Variants in GEMIN5 observed in about 807,000 individuals in gnomAD.
GEMIN5 encodes gem nuclear organelle associated protein 5, also known as gem-associated protein 5.
GEMIN5 carries 124 observed loss-of-function variants against 176.9 expected under a neutral mutation model. The ratio of observed to expected loss-of-function variants is 0.70; its 90% confidence interval spans 0.61 to 0.81. The LOEUF (loss-of-function observed/expected upper bound fraction) is 0.81, where lower values mean the gene tolerates loss of function less well. GEMIN5 is among the 40% of genes least tolerant of loss of function. The pLI is 0.00. For missense variants in GEMIN5, 1,843 were observed against 1,814.6 expected, an observed-to-expected ratio of 1.02 and a Z score of -0.28; for synonymous variants, 673 against 665.2, an observed-to-expected ratio of 1.01 and a Z score of -0.18.
chr5:154,930,508 C>T (rs1764138286), intron 5 of GEMIN5, among the ~76,000 whole-genome samples: 1 of 152,130 alleles, frequency 6.6e-6, no homozygotes, highest in South Asian at 2.1e-4. Context: ...ATTATTCAGC[C>T]TTAGAAAGGA....
At chr5:154,888,482 TG>T in intron 27 of GEMIN5, 105 bp from the exon 28 acceptor site, 1 of 868,772 alleles carries the variant, frequency 1.2e-6, no homozygotes, top group Non-Finnish European at 1.8e-6. Flanking sequence ...AGACACTTCT[TG>T]GACACAGCTG....
intron 13 of GEMIN5, among the ~76,000 whole-genome samples, chr5:154,915,760 TTGTG>T (rs927818195): frequency 3.1e-4 from 47 of 152,218 alleles, no homozygotes; most frequent in African/African-American, 1.0e-3. Flanking sequence ...TGTCCTCTGT[TTGTG>T]TGTAACACTC....
intron 19 of GEMIN5, 97 bp downstream of exon 19, chr5:154,902,983 T>A: frequency 1.2e-6 from 1 of 836,454 alleles, no homozygotes; most frequent in Non-Finnish European, 1.9e-6. Context: ...AAACTAACCA[T>A]TATAATATCA....
At position 154,912,985 on chromosome 5, in the gene GEMIN5, C is replaced by G. The variant is rs1426031262; in HGVS notation, c.1909G>C (p.Gly637Arg). The change falls in exon 14 of 28, where the codon GGG becomes CGG. Residue 637 changes from glycine to arginine, a missense_variant. Physicochemically the swap from Gly to Arg is moderately radical, Grantham distance 125. Transcript: ENST00000285873. ...ACACTGGTAATCTTGGCCGTATGCCCTGAGAGGGTCCGGTAGGGCTCTGTA... is the reference window on the plus strand; with the variant it reads ...ACACTGGTAATCTTGGCCGTATGCCGTGAGAGGGTCCGGTAGGGCTCTGTA... ...TITEPYRTLS[G>R]HTAKITSVAW... The G allele has an allele frequency of 4.3e-6, 7 of 1,613,814 alleles. No homozygotes were observed. The highest frequency in any genetic ancestry group is 5.9e-6 in the Non-Finnish European group (7 of 1,179,822).
chr5:154,919,703 CT>C (rs905710456), intron 11 of GEMIN5, among the ~76,000 whole-genome samples: 41 of 152,180 alleles, frequency 2.7e-4, no homozygotes, highest in African/African-American at 8.9e-4. Flanking sequence ...TGAGACAGAC[CT>C]TTTTTTCAGT....
chr5:154,913,704 C>A (rs1763752891), intron 13 of GEMIN5, among the ~76,000 whole-genome samples: 1 of 152,022 alleles, frequency 6.6e-6, no homozygotes, highest in Admixed American at 6.6e-5. Flanking sequence ...ATAGTCCCAG[C>A]TACATAGGAG....
At chr5:154,921,971 ATTG>A (rs1445360623) in intron 9 of GEMIN5, among the ~76,000 whole-genome samples, 1 of 152,168 alleles carries the variant, frequency 6.6e-6, no homozygotes, top group Non-Finnish European at 1.5e-5. Context: ...ACCAGGCAGC[ATTG>A]TTATTTCTTT....
In GEMIN5 at chr5:154,904,038, CA is replaced by C. The variant is rs535546573; in HGVS notation, c.2632+468del. 1.3e-4 allele frequency among the ~76,000 whole-genome samples: 19 copies of C among 151,768 alleles called. No individual in the cohort carries two copies. The South Asian group carries it at 3.7e-3, about 30-fold the overall frequency. On this transcript the variant is annotated intron_variant, in intron 18 of 27. Coordinates refer to ENST00000285873, the MANE Select transcript of GEMIN5 (RefSeq NM_015465.5). ...GACATTAAATGAAGACTTTGAAAAA[CA>C]AAAATAAAACAACCCTTCAAAACAA...
intron 23 of GEMIN5, among the ~76,000 whole-genome samples, chr5:154,896,930 C>T (rs1325025444): frequency 6.6e-6 from 1 of 152,216 alleles, no homozygotes. Context: ...ACTCCTATAA[C>T]AATATCTTCT....
intron 26 of GEMIN5, 80 bp from the exon 27 acceptor site, chr5:154,889,497 A>G: frequency 2.7e-6 from 2 of 741,488 alleles, no homozygotes; most frequent in South Asian, 3.0e-5. Context: ...TTACTGTGGT[A>G]AAATGTATAT....
chr5:154,900,358 G>C (rs1054781723), intron 21 of GEMIN5, among the ~76,000 whole-genome samples: 10 of 152,184 alleles, frequency 6.6e-5, no homozygotes, highest in Non-Finnish European at 1.2e-4. Flanking sequence ...GCAATATTTT[G>C]AAAGTATTTT....
chr5:154,931,888 C>T (rs1363378700), intron 4 of GEMIN5, among the ~76,000 whole-genome samples: 2 of 152,234 alleles, frequency 1.3e-5, no homozygotes. Context: ...TGGCGCATGC[C>T]TGTAATCCCG....
intron 1 of GEMIN5, among the ~76,000 whole-genome samples, 197 bp downstream of exon 1, chr5:154,937,770 GC>G (rs1764300659): frequency 6.6e-6 from 1 of 152,218 alleles, no homozygotes; most frequent in Admixed American, 6.5e-5. Context: ...GCTCCAGGAG[GC>G]GGGACCGCTC....
intron 3 of GEMIN5, among the ~76,000 whole-genome samples, chr5:154,933,152 C>CA (rs1340428049): frequency 6.6e-6 from 1 of 152,216 alleles, no homozygotes; most frequent in Non-Finnish European, 1.5e-5. Flanking sequence ...CCACTTCAAT[C>CA]AAACCTCTCT....
At chr5:154,933,633 TC>T (rs1209555099) in intron 3 of GEMIN5, among the ~76,000 whole-genome samples, 1 of 152,206 alleles carries the variant, frequency 6.6e-6, no homozygotes, top group Non-Finnish European at 1.5e-5. Context: ...TATTCACACT[TC>T]CTACACATTA....
At position 154,916,578 on chromosome 5, in the gene GEMIN5, C is replaced by T. The variant is rs575764185; in HGVS notation, c.1855+420G>A. ...ATATAGCTCACTGCAGCCTCAAACT[C>T]CTAGAATCAGATGATCCTCTCAGCT... On this transcript the variant is annotated intron_variant, in intron 13 of 27. Coordinates refer to ENST00000285873, the MANE Select transcript of GEMIN5 (RefSeq NM_015465.5). 7.2e-5 allele frequency among the ~76,000 whole-genome samples: 11 copies of T among 152,196 alleles called. No individual in the cohort carries two copies. The South Asian group carries it at 2.3e-3, about 31-fold the overall frequency.
At chr5:154,901,193 G>T in intron 21 of GEMIN5, 146 bp downstream of exon 21, 1 of 680,702 alleles carries the variant, frequency 1.5e-6, no homozygotes, top group Non-Finnish European at 2.5e-6. Context: ...GGATGTGGTG[G>T]CATGCACCTC....
chr5:154,892,544 C>T lies in GEMIN5; in HGVS notation c.3603G>A (p.Leu1201=), dbSNP rs1397637462. Reference sequence around the variant, plus strand: ...GGGTCAAGTCATGGCAAATGTGAAGCAGGAGCTGGAGAGAGAAGCCAGAGT... The same window carrying T: ...GGGTCAAGTCATGGCAAATGTGAAGTAGGAGCTGGAGAGAGAAGCCAGAGT... ...ATNNTPAKQL[L]LHICHDLTLA... is the part of the protein sequence containing the mutation. The change falls in exon 25 of 28, where the codon CTG becomes CTA. Residue 1201 remains leucine (L), a synonymous_variant. Transcript: ENST00000285873. 1.9e-6 allele frequency: 3 copies of T among 1,613,806 alleles called. No individual in the cohort carries two copies. The Admixed American group carries it at 5.0e-5, about 27-fold the overall frequency.
intron 22 of GEMIN5, 47 bp from the exon 23 acceptor site, chr5:154,898,697 T>C (rs1763407336): frequency 7.2e-7 from 1 of 1,393,762 alleles, no homozygotes; most frequent in African/African-American, 1.4e-5. Context: ...AACAGATTTT[T>C]ATTCCCATTC....
Sources: gnomAD v4.1 joint callset for allele counts (sites outside exome capture counted in the v4.1 genomes callset) on GRCh38, gnomAD v4.1.1 for gene constraint, MANE v1.5 for transcripts, NCBI Gene and HGNC (gene_info 2026-07-23, HGNC 2026-07-21) for gene names.